Variants in NPIPB2 observed in about 807,000 individuals in gnomAD.
NPIPB2 encodes nuclear pore complex-interacting protein family member B2.
NPIPB2 carries 27 observed loss-of-function variants against 30.8 expected under a neutral mutation model. The observed-to-expected ratio is 0.88, with a 90% CI of 0.65 to 1.21. The LOEUF is 1.21. NPIPB2 is among the 50% of genes most tolerant of loss of function. The probability of loss-of-function intolerance (pLI) is 0.00; values close to 1 mark genes in which losing one functional copy is unlikely to be tolerated. For missense variants in NPIPB2, 440 were observed against 446.2 expected (o/e 0.99, Z 0.13); for synonymous variants, 147 against 162.0 (o/e 0.91, Z 0.70).
At chr16:11,949,229 A>G (rs925692722) in intron 1 of NPIPB2, among the ~76,000 whole-genome samples, 3 of 152,234 alleles carry the variant, frequency 2.0e-5, no homozygotes, top group African/African-American at 7.2e-5. Flanking sequence ...AATGACAGCA[A>G]TACTTGCGAA....
intron 1 of NPIPB2, among the ~76,000 whole-genome samples, chr16:11,955,804 TGA>T (rs1237734941): frequency 1.6e-5 from 2 of 125,876 alleles, no homozygotes; most frequent in Non-Finnish European, 3.4e-5. Flanking sequence ...AGTTACCCAA[TGA>T]TGCTTCTTGG....
At chr16:11,942,068 A>T (rs555804804), upstream of NPIPB2, 12 of 1,457,958 alleles carry the variant, frequency 8.2e-6, no homozygotes, top group East Asian at 3.0e-4. Flanking sequence ...GAAGGTCCCG[A>T]TAGTAAACCA....
intron 1 of NPIPB2, among the ~76,000 whole-genome samples, chr16:11,960,353 C>CTTTTTT (rs35099223): frequency 2.4e-5 from 3 of 126,370 alleles, no homozygotes; most frequent in African/African-American, 8.4e-5. Flanking sequence ...GTATGGTTCC[C>CTTTTTT]TTTTTTTTTT....
upstream of NPIPB2, among the ~76,000 whole-genome samples, chr16:11,944,867 C>T (rs1467493158): frequency 1.3e-5 from 2 of 150,788 alleles, no homozygotes; most frequent in Admixed American, 1.3e-4. Context: ...GATGAGGAAA[C>T]CTTGGAGATG....
intron 1 of NPIPB2, chr16:11,967,160 C>T (rs2055200819): frequency 5.0e-6 from 1 of 200,256 alleles, no homozygotes; most frequent in Non-Finnish European, 1.1e-5. Context: ...GCCATCACCT[C>T]CGACTAATTT....
chr16:11,945,012 C>G (rs8059891), upstream of NPIPB2, among the ~76,000 whole-genome samples: 40,352 of 148,788 alleles, frequency 0.27, 6,519 homozygotes, highest in East Asian at 0.59. Context: ...AACCCCATCT[C>G]TACTAAAAAT....
At chr16:11,927,422 T>C (rs759963000) in exon 8 of NPIPB2, 10 of 1,148,766 alleles carry the variant, frequency 8.7e-6, no homozygotes, top group East Asian at 2.5e-5. Flanking sequence ...CCTCCGCCTC[T>C]TGGGCTCGGG....
At chr16:11,951,756 G>C (rs1309327257) in intron 1 of NPIPB2, among the ~76,000 whole-genome samples, 1 of 151,526 alleles carries the variant, frequency 6.6e-6, no homozygotes, top group Non-Finnish European at 1.5e-5. Flanking sequence ...GGCCAGGTGC[G>C]GTGGCTCACG....
intron 1 of NPIPB2, among the ~76,000 whole-genome samples, chr16:11,956,600 CAGG>C (rs1435401685): frequency 6.6e-6 from 1 of 152,140 alleles, no homozygotes; most frequent in Non-Finnish European, 1.5e-5. Context: ...CGCTTGAACT[CAGG>C]AGGTGGAGGT....
chr16:11,933,959 A>G, intron 2 of NPIPB2, 35 bp from the exon 3 acceptor site: 1 of 1,489,550 alleles, frequency 6.7e-7, no homozygotes, highest in Non-Finnish European at 9.2e-7. Flanking sequence ...ACGGCTGGGC[A>G]CGGTGGTTCA....
At chr16:11,937,147 T>C (rs1184889093) in intron 2 of NPIPB2, among the ~76,000 whole-genome samples, 1 of 152,204 alleles carries the variant, frequency 6.6e-6, no homozygotes, top group African/African-American at 2.4e-5. Context: ...AAGCTGTCTT[T>C]TCAGCTCATT....
At chr16:11,937,078 G>A (rs1180231533) in intron 2 of NPIPB2, among the ~76,000 whole-genome samples, 1 of 152,080 alleles carries the variant, frequency 6.6e-6, no homozygotes, top group Admixed American at 6.6e-5. Context: ...CCTTCTAGCA[G>A]TCTCATTTTT....
chr16:11,962,245 A>G (rs994593831), intron 1 of NPIPB2, among the ~76,000 whole-genome samples: 8 of 149,714 alleles, frequency 5.3e-5, no homozygotes, highest in Middle Eastern at 3.5e-3. Context: ...TTGCACCTGT[A>G]ATCCCAGCAC....
intron 1 of NPIPB2, among the ~76,000 whole-genome samples, chr16:11,960,799 G>C (rs887117179): frequency 1.3e-5 from 2 of 151,888 alleles, no homozygotes; most frequent in African/African-American, 4.8e-5. Context: ...TGTAGAATTT[G>C]ACTCCACTCC....
At chr16:11,959,851 C>A (rs922624320) in intron 1 of NPIPB2, among the ~76,000 whole-genome samples, 22 of 152,152 alleles carry the variant, frequency 1.4e-4, no homozygotes, top group African/African-American at 4.1e-4. Flanking sequence ...CCATGGTTCA[C>A]TGTAGCCTCA....
chr16:11,931,976 G>A (rs1246541664), intron 4 of NPIPB2, among the ~76,000 whole-genome samples: 1 of 150,676 alleles, frequency 6.6e-6, no homozygotes, highest in East Asian at 2.0e-4. Context: ...ACACATGCGT[G>A]GGATTAGATG....
At chr16:11,946,616 G>C (rs2055012891), upstream of NPIPB2, among the ~76,000 whole-genome samples, 1 of 151,912 alleles carries the variant, frequency 6.6e-6, no homozygotes, top group Non-Finnish European at 1.5e-5. Flanking sequence ...ATATCCACTA[G>C]GATGACTAAT....
intron 1 of NPIPB2, among the ~76,000 whole-genome samples, chr16:11,953,152 G>A (rs945957734): frequency 6.6e-6 from 1 of 151,916 alleles, no homozygotes; most frequent in Non-Finnish European, 1.5e-5. Context: ...AATTCATTCT[G>A]TATTTTTTTT....
intron 1 of NPIPB2, among the ~76,000 whole-genome samples, chr16:11,966,685 C>A (rs978973126): frequency 1.3e-5 from 2 of 152,156 alleles, no homozygotes; most frequent in African/African-American, 4.8e-5. Context: ...AGGTCTGCTA[C>A]TGTCAGGAAA....
Sources: gnomAD v4.1 joint callset for allele counts (sites outside exome capture counted in the v4.1 genomes callset) on GRCh38, gnomAD v4.1.1 for gene constraint, MANE v1.5 for transcripts, NCBI Gene and HGNC (gene_info 2026-07-23, HGNC 2026-07-21) for gene names.